The following CTNNAL1 variants were observed in gnomAD, a reference collection of about 807,000 sequenced individuals.
CTNNAL1 encodes the protein catenin alpha like 1, also known as alpha-catulin.
In CTNNAL1, 69 loss-of-function variants were observed where a neutral mutation model predicts 93.6. The ratio of observed to expected loss-of-function variants is 0.74; its 90% CI spans 0.61 to 0.90. The LOEUF (loss-of-function observed/expected upper bound fraction) is 0.90, where lower values mean the gene tolerates loss of function less well. Ranked by LOEUF, CTNNAL1 falls within the 40% of genes least tolerant of loss-of-function variation. CTNNAL1 has a pLI of 0.00. For missense variants in CTNNAL1, 836 were observed against 862.0 expected, an observed-to-expected ratio of 0.97 and a Z score of 0.38; for synonymous variants, 286 against 305.4, an observed-to-expected ratio of 0.94 and a Z score of 0.66.
intron 6 of CTNNAL1, among the ~76,000 whole-genome samples, chr9:108,980,934 C>T (rs1831408873): frequency 6.6e-6 from 1 of 152,062 alleles, no homozygotes; most frequent in Non-Finnish European, 1.5e-5. Flanking sequence ...TCCATATATT[C>T]ATGGTACCAA....
intron 11 of CTNNAL1, among the ~76,000 whole-genome samples, chr9:108,962,228 T>C (rs1029244034): frequency 1.3e-5 from 2 of 152,290 alleles, no homozygotes; most frequent in South Asian, 2.1e-4. Context: ...CCAGCACTTA[T>C]GAAAGTACCT....
At chr9:108,962,773 CTTG>C (rs756799243) in intron 11 of CTNNAL1, among the ~76,000 whole-genome samples, 13 of 152,162 alleles carry the variant, frequency 8.5e-5, no homozygotes, top group Non-Finnish European at 1.8e-4. Context: ...AGAGGTAACA[CTTG>C]TTGAGAATTT....
At chr9:108,944,844 C>T (rs1438586024) in intron 15 of CTNNAL1, among the ~76,000 whole-genome samples, 1 of 152,132 alleles carries the variant, frequency 6.6e-6, no homozygotes, top group East Asian at 1.9e-4. Context: ...TTTTTACCCT[C>T]TATTCAAAAG....
intron 3 of CTNNAL1, chr9:108,991,936 G>A (rs2132176129): frequency 1.5e-6 from 1 of 659,600 alleles, no homozygotes; most frequent in South Asian, 1.6e-5. Flanking sequence ...GACTGGAAGA[G>A]TTTAAATCTG....
intron 5 of CTNNAL1, among the ~76,000 whole-genome samples, chr9:108,983,653 T>C (rs1316049447): frequency 1.3e-5 from 2 of 152,108 alleles, no homozygotes; most frequent in Non-Finnish European, 2.9e-5. Context: ...TGAAGAAAAA[T>C]GAGATGATAT....
chr9:108,958,698 T>C (rs992821540), intron 11 of CTNNAL1, among the ~76,000 whole-genome samples: 7 of 151,410 alleles, frequency 4.6e-5, no homozygotes, highest in African/African-American at 1.7e-4. Flanking sequence ...ATAGATGTTA[T>C]TTCCCAATTT....
At chr9:108,995,975 T>TC (rs397790588) in intron 2 of CTNNAL1, among the ~76,000 whole-genome samples, 17 of 151,842 alleles carry the variant, frequency 1.1e-4, no homozygotes, top group Non-Finnish European at 1.5e-5. Context: ...GTTTTTTTTT[T>TC]TGAGACAGGG....
intron 11 of CTNNAL1, among the ~76,000 whole-genome samples, chr9:108,956,112 C>G (rs1830682815): frequency 6.6e-6 from 1 of 152,230 alleles, no homozygotes. Context: ...CTGCCACTTG[C>G]AATCAGCTTC....
intron 4 of CTNNAL1, among the ~76,000 whole-genome samples, chr9:108,986,073 A>T (rs1175979969): frequency 4.0e-5 from 6 of 151,576 alleles, no homozygotes; most frequent in African/African-American, 4.9e-5. Context: ...CATGTGCACA[A>T]TGTGCATGTT....
chr9:108,985,210 C>T (rs1831569212), intron 4 of CTNNAL1, among the ~76,000 whole-genome samples: 1 of 152,182 alleles, frequency 6.6e-6, no homozygotes, highest in South Asian at 2.1e-4. Context: ...CCCAGATAAA[C>T]ATTTGAGGCC....
chr9:108,944,844 C>G (rs1438586024), intron 15 of CTNNAL1, among the ~76,000 whole-genome samples: 2 of 152,132 alleles, frequency 1.3e-5, no homozygotes, highest in African/African-American at 2.4e-5. Context: ...TTTTTACCCT[C>G]TATTCAAAAG....
chr9:108,994,440 G>A (rs758782912), intron 2 of CTNNAL1, among the ~76,000 whole-genome samples: 2 of 152,148 alleles, frequency 1.3e-5, no homozygotes, highest in Non-Finnish European at 2.9e-5. Context: ...GAAAGAACGA[G>A]TAAAAAAATG....
intron 8 of CTNNAL1, 31 bp from the exon 9 acceptor site, chr9:108,972,864 G>GGAGA: frequency 1.4e-5 from 2 of 142,590 alleles, no homozygotes; most frequent in South Asian, 1.2e-4. Flanking sequence ...GGGGGGGTGG[G>GGAGA]AGGGTGGAGA....
At chr9:108,970,360 G>T in intron 10 of CTNNAL1, 42 bp downstream of exon 10, 1 of 1,561,032 alleles carries the variant, frequency 6.4e-7, no homozygotes, top group South Asian at 1.2e-5. Flanking sequence ...ATAACACTCA[G>T]ATAGGACACA....
At chr9:108,962,323 C>T (rs1179332503) in intron 11 of CTNNAL1, among the ~76,000 whole-genome samples, 1 of 152,140 alleles carries the variant, frequency 6.6e-6, no homozygotes, top group Non-Finnish European at 1.5e-5. Flanking sequence ...ATCATGTTTA[C>T]AATTTTACCC....
intron 3 of CTNNAL1, among the ~76,000 whole-genome samples, chr9:108,992,424 C>G (rs942360199): frequency 6.6e-6 from 1 of 150,430 alleles, no homozygotes; most frequent in Non-Finnish European, 1.5e-5. Flanking sequence ...CTCAGACATG[C>G]ATAGCCCCGG....
chr9:108,999,738 T>C (rs142092771), intron 1 of CTNNAL1, among the ~76,000 whole-genome samples: 30 of 152,342 alleles, frequency 2.0e-4, no homozygotes, highest in African/African-American at 6.3e-4. Flanking sequence ...CCAAATTAAC[T>C]AGATACTTTA....
Position 109,006,020 on chromosome 9 carries a change from T to G in CTNNAL1, c.142-6764A>C, listed in dbSNP as rs142195938. On this transcript the variant is annotated intron_variant, in intron 1 of 18. Coordinates refer to ENST00000325551, the MANE Select transcript of CTNNAL1 (RefSeq NM_003798.4). ...GTCTACTTATATTCTAAAATTAGTT[T>G]CAAATGTTTTAAAAGGTAGGTTCAA... Among the ~76,000 whole-genome samples, 12 of 152,314 alleles carry G rather than the reference T, an allele frequency of 7.9e-5. No individual in the cohort carries two copies. In the East Asian group the frequency reaches 2.1e-3, roughly 27 times the overall value.
chr9:108,990,704 G>A, intron 4 of CTNNAL1, 22 bp downstream of exon 4: 5 of 1,603,994 alleles, frequency 3.1e-6, no homozygotes, highest in Non-Finnish European at 4.3e-6. Context: ...TCTGAAGATT[G>A]TAAAATGTGA....
Sources: gnomAD v4.1 joint callset for allele counts (sites outside exome capture counted in the v4.1 genomes callset) on GRCh38, gnomAD v4.1.1 for gene constraint, MANE v1.5 for transcripts, NCBI Gene and HGNC (gene_info 2026-07-23, HGNC 2026-07-21) for gene names.